Variants in ATG12 observed in about 807,000 individuals in gnomAD.
The protein encoded by ATG12 is autophagy related 12.
In ATG12, 19 loss-of-function variants were observed where a neutral mutation model predicts 17.6. That is an observed-to-expected ratio of 1.08 (90% CI 0.75 to 1.58). The LOEUF (loss-of-function observed/expected upper bound fraction) is 1.58, where lower values mean the gene tolerates loss of function less well. Among genes scored for constraint, ATG12 ranks in the 40% most tolerant of loss-of-function variants. The probability of loss-of-function intolerance (pLI) is 0.00; values close to 1 mark genes in which losing one functional copy is unlikely to be tolerated. For synonymous variants in ATG12, 75 were observed against 62.4 expected (o/e 1.20, Z -0.95); for missense variants, 214 against 162.0 (o/e 1.32, Z -1.74).
intron 1 of ATG12, chr5:115,840,978 T>A (rs1225433169): frequency 2.1e-6 from 2 of 948,816 alleles, no homozygotes; most frequent in Non-Finnish European, 2.9e-6. Context: ...TTGGAAGGCA[T>A]GAATTCTAAT....
rs1302446044 is a variant in ATG12 at position 115,831,673 on chromosome 5, A to G, written c.*131T>C. On this transcript the variant is annotated 3_prime_UTR_variant, in exon 4 of 4. Transcript: ENST00000509910. ...ATGCTATGGATGTTTTCTTATGCAT[A>G]AACATAGAGTAGACACATACTAAAT... 1 of 816,748 alleles carries G rather than the reference A, an allele frequency of 1.2e-6. No individual in the cohort carries two copies. The highest frequency in any genetic ancestry group is 1.7e-5 in the African/African-American group (1 of 57,238). 50.6% of individuals were successfully genotyped at this position (816,748 alleles called of 1,614,324 possible). A position where few individuals can be genotyped will look rare whatever the true frequency, so the allele number is the denominator to read the frequency against.
intron 1 of ATG12, chr5:115,840,728 A>C: frequency 8.4e-7 from 1 of 1,187,148 alleles, no homozygotes; most frequent in African/African-American, 1.6e-5. Context: ...GCTTTAGAAC[A>C]CGTAATTTTA....
chr5:115,833,043 T>C (rs2112719870), intron 2 of ATG12: 1 of 163,640 alleles, frequency 6.1e-6, no homozygotes, highest in South Asian at 2.0e-4. Context: ...CAGCCAAAAA[T>C]CAATATGTCT....
At chr5:115,840,492 CTTACCATG>C in intron 1 of ATG12, 3 of 576,082 alleles carry the variant, frequency 5.2e-6, no homozygotes, top group Non-Finnish European at 7.8e-6. Context: ...GAGATGGAGT[CTTACCATG>C]TTGGCCAGGC....
In ATG12 at chr5:115,832,611, A is replaced by G. The variant is rs1372296547; in HGVS notation, c.354T>C (p.Thr118=). 3 of 723,762 alleles carry G rather than the reference A, an allele frequency of 4.1e-6. No homozygotes were observed. The highest frequency in any genetic ancestry group is 6.3e-6 in the Non-Finnish European group (3 of 476,538). 44.8% of individuals were successfully genotyped at this position (723,762 alleles called of 1,614,324 possible). Residue 118 remains threonine (T), a synonymous_variant, in exon 3 of 4, where the codon ACT becomes ACC. Transcript: ENST00000509910. ...FAPSPDQEVG[T]LYECFGSDGK... is the part of the protein sequence containing the mutation. ...TTTTTTTTTTTTTTACCTCATAGAG[A>G]GTTCCAACTTCTTGGTCTGGGGAAG... is the stretch of plus-strand genomic sequence containing the variant.
chr5:115,841,448 C>G lies in ATG12; in HGVS notation c.105G>C (p.Pro35=). ...TTCCCGGGGAAACTGCAGCGGAAGA[C>G]GGGGGCTCCGGGGTGGTTGTTTCTG... ...VSPETTTPEP[P]SSAAVSPGTE... is the part of the protein sequence containing the mutation. The change falls in exon 1 of 4, where the codon CCG becomes CCC. Residue 35 remains proline (P), a synonymous_variant. Transcript: ENST00000509910. 6.2e-7 allele frequency: 1 copy of G among 1,609,758 alleles called. No individual in the cohort carries two copies.
At chr5:115,837,046 G>C (rs1012086395) in intron 2 of ATG12, among the ~76,000 whole-genome samples, 1 of 152,178 alleles carries the variant, frequency 6.6e-6, no homozygotes, top group Non-Finnish European at 1.5e-5. Context: ...AACTTCTGTA[G>C]TAATGTACAG....
In ATG12 at chr5:115,830,589, C is replaced by T. The variant is rs1194761438; in HGVS notation, c.*1215G>A. 6.6e-6 allele frequency: 1 copy of T among 152,034 alleles called. No individual in the cohort carries two copies. The highest frequency in any genetic ancestry group is 1.5e-5 in the Non-Finnish European group (1 of 68,026). The allele number at this position is 152,034 out of a possible 1,614,324, so 9.4% of individuals were successfully genotyped here. On this transcript the variant is annotated 3_prime_UTR_variant, in exon 4 of 4. Transcript: ENST00000509910. ...GATGGGGTCTCACTCTGTTGCTCAG[C>T]AGGAATGCAGTGGTACAATCACGAC...
intron 2 of ATG12, chr5:115,833,599 C>A (rs1049952905): frequency 6.6e-6 from 1 of 152,074 alleles, no homozygotes; most frequent in Non-Finnish European, 1.5e-5. Flanking sequence ...CCTCTTGGGT[C>A]TGTTAGGAAA....
rs755376622 is a variant in ATG12, at chr5:115,841,452, G to C, written c.101C>G (p.Pro34Arg). 1.2e-6 allele frequency: 2 copies of C among 1,609,940 alleles called. No homozygotes were observed. Among genetic ancestry groups the C allele is most frequent in the Admixed American group, 3.4e-5 (2 of 58,244 alleles). ...CGGGGAAACTGCAGCGGAAGACGGG[G>C]GCTCCGGGGTGGTTGTTTCTGGGGA... ...DVSPETTTPE[P>R]PSSAAVSPGT... Residue 34 changes from proline (P) to arginine (R), a missense_variant, in exon 1 of 4, where the codon CCC becomes CGC. By Grantham distance (103) the Pro-to-Arg change is moderately radical. Coordinates refer to ENST00000509910, the MANE Select transcript of ATG12 (RefSeq NM_004707.4).
At position 115,831,729 on chromosome 5, in the gene ATG12, G is replaced by A. The variant is rs1760877704; in HGVS notation, c.*75C>T. On this transcript the variant is annotated 3_prime_UTR_variant, in exon 4 of 4. Coordinates refer to ENST00000509910, the MANE Select transcript of ATG12 (RefSeq NM_004707.4). ...ACATCTGTTAAGTCTCTTGCCACAAGCATCAAAACTTTTCAGAGCTGTCTC... is the reference window on the plus strand; with the variant it reads ...ACATCTGTTAAGTCTCTTGCCACAAACATCAAAACTTTTCAGAGCTGTCTC... 2.9e-6 allele frequency: 4 copies of A among 1,389,402 alleles called. No individual in the cohort carries two copies. The highest frequency in any genetic ancestry group is 3.0e-6 in the Non-Finnish European group (3 of 990,346). 86.1% of individuals were successfully genotyped at this position (1,389,402 alleles called of 1,614,324 possible).
intron 1 of ATG12, among the ~76,000 whole-genome samples, chr5:115,840,280 G>C (rs1347003396): frequency 6.6e-6 from 1 of 151,126 alleles, no homozygotes; most frequent in Non-Finnish European, 1.5e-5. Flanking sequence ...TGAAGAAAAA[G>C]CAATGAGACC....
rs928943941 is a variant in ATG12 at position 115,840,694 on chromosome 5, G to C, written c.163+696C>G. On this transcript the variant is annotated intron_variant, in intron 1 of 3. Coordinates refer to ENST00000509910, the MANE Select transcript of ATG12 (RefSeq NM_004707.4). Reference sequence around the variant, plus strand: ...ATGCTTATATGCTGCTTTTCCCATAGGCAACTCTAACTCTAAACAGAGTGC... The same window carrying C: ...ATGCTTATATGCTGCTTTTCCCATACGCAACTCTAACTCTAAACAGAGTGC... The C allele has an allele frequency of 3.3e-6, 4 of 1,198,740 alleles. No individual in the cohort carries two copies. The African/African-American group carries it at 6.4e-5, about 19-fold the overall frequency. 74.3% of individuals were successfully genotyped at this position (1,198,740 alleles called of 1,614,324 possible).
At chr5:115,841,256 T>G in intron 1 of ATG12, 134 bp downstream of exon 1, 1 of 1,205,262 alleles carries the variant, frequency 8.3e-7, no homozygotes, top group Non-Finnish European at 1.2e-6. Context: ...GTACACTTCT[T>G]TTCTTCTGAT....
At chr5:115,834,540 C>T (rs1761011611) in intron 2 of ATG12, among the ~76,000 whole-genome samples, 1 of 152,104 alleles carries the variant, frequency 6.6e-6, no homozygotes, top group South Asian at 2.1e-4. Flanking sequence ...GCCTTTAAAT[C>T]AGCTTTTTTT....
intron 1 of ATG12, chr5:115,840,907 T>C: frequency 1.6e-6 from 2 of 1,288,462 alleles, no homozygotes; most frequent in Non-Finnish European, 2.0e-6. Flanking sequence ...AATTTGGTTT[T>C]TGGTTTAAGG....
chr5:115,840,097 T>C (rs759311458), intron 1 of ATG12, among the ~76,000 whole-genome samples: 3 of 152,052 alleles, frequency 2.0e-5, no homozygotes, highest in Non-Finnish European at 4.4e-5. Flanking sequence ...CTATAGTAAA[T>C]TGGAAGAAAA....
intron 1 of ATG12, 94 bp downstream of exon 1, chr5:115,841,296 C>G (rs1340758122): frequency 8.5e-6 from 13 of 1,526,148 alleles, no homozygotes; most frequent in Non-Finnish European, 1.2e-5. Flanking sequence ...CTAGGACAGG[C>G]GCTCCTCTAA....
chr5:115,836,322 A>G (rs1761097022), intron 2 of ATG12, among the ~76,000 whole-genome samples: 1 of 152,208 alleles, frequency 6.6e-6, no homozygotes, highest in Non-Finnish European at 1.5e-5. Context: ...CACAGAACAC[A>G]GTATCATTTC....
Sources: allele counts gnomAD v4.1 joint callset (sites outside exome capture counted in the v4.1 genomes callset), GRCh38; gene constraint gnomAD v4.1.1; transcripts MANE v1.5; gene names NCBI Gene and HGNC (gene_info 2026-07-23, HGNC 2026-07-21).